The following SEZ6L variants were observed in gnomAD, a reference collection of about 807,000 sequenced individuals.
The protein encoded by SEZ6L is seizure 6-like protein.
Under a neutral mutation model 106.2 loss-of-function variants are expected in SEZ6L, and 37 were observed. That is an observed-to-expected ratio of 0.35 (90% CI 0.27 to 0.46). The LOEUF (loss-of-function observed/expected upper bound fraction) is 0.46, where lower values mean the gene tolerates loss of function less well. Ranked by LOEUF, SEZ6L falls within the 20% of genes least tolerant of loss-of-function variation. The pLI is 1.00. For missense variants in SEZ6L, 1,172 were observed against 1,332.8 expected (o/e 0.88, Z 1.88); for synonymous variants, 541 against 570.4 (o/e 0.95, Z 0.73).
At chr22:26,348,682 GAAA>G in intron 11 of SEZ6L, among the ~76,000 whole-genome samples, 1 of 77,594 alleles carries the variant, frequency 1.3e-5, no homozygotes, top group Non-Finnish European at 2.5e-5. Context: ...AAGAAAGAAA[GAAA>G]GAAAGAAAGA....
intron 6 of SEZ6L, among the ~76,000 whole-genome samples, chr22:26,309,571 C>A (rs936011696): frequency 2.6e-5 from 4 of 151,956 alleles, no homozygotes; most frequent in Non-Finnish European, 4.4e-5. Flanking sequence ...ACTTACCTAC[C>A]GTGTCCTGTT....
At chr22:26,373,574 C>A in intron 14 of SEZ6L, 91 bp downstream of exon 14, 6 of 949,308 alleles carry the variant, frequency 6.3e-6, no homozygotes, top group South Asian at 1.6e-5. Flanking sequence ...TATTTAGACA[C>A]TTAAAAAATA....
intron 1 of SEZ6L, among the ~76,000 whole-genome samples, chr22:26,289,599 C>G (rs2081044254): frequency 6.6e-6 from 1 of 152,200 alleles, no homozygotes; most frequent in Non-Finnish European, 1.5e-5. Context: ...CACGCTGCTC[C>G]CAGATACCCA....
At chr22:26,326,559 A>G (rs189337949) in intron 9 of SEZ6L, among the ~76,000 whole-genome samples, 1 of 152,290 alleles carries the variant, frequency 6.6e-6, no homozygotes, top group East Asian at 1.9e-4. Context: ...TTTGTTCTCC[A>G]TGTAATAGAT....
chr22:26,185,908 G>T (rs1016252638), intron 1 of SEZ6L, among the ~76,000 whole-genome samples: 1 of 152,126 alleles, frequency 6.6e-6, no homozygotes, highest in Non-Finnish European at 1.5e-5. Flanking sequence ...ACGAATAGGG[G>T]TGGGAATCTA....
intron 9 of SEZ6L, among the ~76,000 whole-genome samples, chr22:26,322,107 A>G (rs984807666): frequency 2.0e-5 from 3 of 152,260 alleles, no homozygotes; most frequent in Non-Finnish European, 2.9e-5. Flanking sequence ...CAGAAGGGTA[A>G]TTACCCAAAT....
At chr22:26,222,595 T>A (rs1264444347) in intron 1 of SEZ6L, among the ~76,000 whole-genome samples, 1 of 151,968 alleles carries the variant, frequency 6.6e-6, no homozygotes, top group Non-Finnish European at 1.5e-5. Context: ...AAACTGAGGA[T>A]TGGAGAGAAA....
intron 16 of SEZ6L, among the ~76,000 whole-genome samples, chr22:26,379,114 A>G (rs2146092299): frequency 6.6e-6 from 1 of 152,292 alleles, no homozygotes; most frequent in South Asian, 2.1e-4. Flanking sequence ...TGTTGACAGC[A>G]TTCAGTTCCT....
At chr22:26,343,342 A>AAAAT (rs139296447) in intron 10 of SEZ6L, among the ~76,000 whole-genome samples, 2 of 148,456 alleles carry the variant, frequency 1.3e-5, no homozygotes, top group Admixed American at 6.7e-5. Flanking sequence ...AAAAAAAAAA[A>AAAAT]CTGACTGACT....
intron 9 of SEZ6L, among the ~76,000 whole-genome samples, chr22:26,334,065 A>G (rs1405764552): frequency 6.6e-6 from 1 of 152,172 alleles, no homozygotes; most frequent in Non-Finnish European, 1.5e-5. Flanking sequence ...CCTTGAGACT[A>G]GGGTTAAAAG....
chr22:26,309,867 C>T (rs2081759946), intron 6 of SEZ6L, among the ~76,000 whole-genome samples: 1 of 152,170 alleles, frequency 6.6e-6, no homozygotes, highest in South Asian at 2.1e-4. Flanking sequence ...ACTTGAGCCA[C>T]CATGCCCCAC....
At chr22:26,361,520 A>ATATAT (rs1017520990) in intron 12 of SEZ6L, among the ~76,000 whole-genome samples, 2 of 124,266 alleles carry the variant, frequency 1.6e-5, no homozygotes, top group Non-Finnish European at 3.3e-5. Flanking sequence ...AAAAAAAAAA[A>ATATAT]ATATATATAT....
At position 26,347,926 on chromosome 22, in the gene SEZ6L, T is replaced by C; in HGVS notation, c.2407+13T>C. The C allele has an allele frequency of 6.5e-7, 1 of 1,550,318 alleles. No individual in the cohort carries two copies. ...TTTTGTGAGAAAAGTAAGAGTGGTC[T>C]TGTTTCCTTCCTCTAGGTCCCTGGG... On this transcript the variant is annotated intron_variant, in intron 11 of 16. Transcript: ENST00000248933.
In SEZ6L at chr22:26,340,452, A is replaced by G. The variant is rs767495936; in HGVS notation, c.2032A>G (p.Ser678Gly). The G allele has an allele frequency of 6.2e-6, 10 of 1,613,114 alleles. No homozygotes were observed. The Admixed American group carries it at 1.7e-4, about 27-fold the overall frequency. The change falls in exon 10 of 17, where the codon AGT becomes GGT. Residue 678 changes from serine to glycine, a missense_variant. By Grantham distance (56) the Ser-to-Gly change is moderately conservative. Around this residue, in one of 4 missense-constraint regions of SEZ6L, gnomAD observed 534 missense variants for 691.0 expected, o/e 0.77. Transcript: ENST00000248933. ...CCCTCCAAGCCTGAATCTGAGCAAC[A>G]GTGACATCTTGACCATCTACGATGG... ...LDIQFLNLSN[S>G]DILTIYDGDE...
intron 1 of SEZ6L, among the ~76,000 whole-genome samples, chr22:26,251,003 T>C (rs957313901): frequency 1.2e-4 from 18 of 152,358 alleles, no homozygotes; most frequent in African/African-American, 4.3e-4. Flanking sequence ...CTGATTTTTG[T>C]ATGTTAATTT....
At chr22:26,317,493 C>T (rs2082038593) in intron 9 of SEZ6L, among the ~76,000 whole-genome samples, 1 of 151,766 alleles carries the variant, frequency 6.6e-6, no homozygotes, top group Non-Finnish European at 1.5e-5. Flanking sequence ...GACGGGCCCA[C>T]ATCTCCCTTT....
chr22:26,207,690 G>T (rs1402834485), intron 1 of SEZ6L, among the ~76,000 whole-genome samples: 4 of 150,792 alleles, frequency 2.7e-5, no homozygotes, highest in African/African-American at 9.8e-5. Context: ...ATACATTTTT[G>T]CATTTTGGGT....
At chr22:26,374,243 T>C (rs1176059343) in intron 14 of SEZ6L, among the ~76,000 whole-genome samples, 2 of 150,136 alleles carry the variant, frequency 1.3e-5, no homozygotes, top group East Asian at 3.9e-4. Context: ...TTTAAAAATA[T>C]ATACTGTAAT....
chr22:26,268,534 A>G (rs1484345023), intron 1 of SEZ6L, among the ~76,000 whole-genome samples: 1 of 152,180 alleles, frequency 6.6e-6, no homozygotes, highest in Non-Finnish European at 1.5e-5. Context: ...ATCTGATCAT[A>G]TGACCCCTTA....
Sources: gnomAD v4.1 joint callset for allele counts (sites outside exome capture counted in the v4.1 genomes callset) on GRCh38, gnomAD v4.1.1 for gene constraint, gnomAD v4.1.1 regional missense constraint, MANE v1.5 for transcripts, NCBI Gene and HGNC (gene_info 2026-07-23, HGNC 2026-07-21) for gene names.